The following PPP4R1 variants were observed in gnomAD, a reference collection of about 807,000 sequenced individuals.
PPP4R1 encodes serine/threonine-protein phosphatase 4 regulatory subunit 1.
PPP4R1 carries 42 observed loss-of-function variants against 111.2 expected under a neutral mutation model. That is an observed-to-expected ratio of 0.38 (90% CI 0.29 to 0.49). The LOEUF (loss-of-function observed/expected upper bound fraction) is 0.49, where lower values mean the gene tolerates loss of function less well. Among genes scored for constraint, PPP4R1 ranks in the 20% least tolerant of loss-of-function variants. PPP4R1 has a pLI of 0.97. For missense variants in PPP4R1, 1,012 were observed against 1,161.6 expected, an observed-to-expected ratio of 0.87 and a Z score of 1.87; for synonymous variants, 409 against 405.5, an observed-to-expected ratio of 1.01 and a Z score of -0.10.
In PPP4R1 at chr18:9,595,058, T is replaced by C. The variant is rs1296337067; in HGVS notation, c.148A>G (p.Arg50Gly). The C allele has an allele frequency of 2.5e-6, 4 of 1,613,868 alleles. No homozygotes were observed. The South Asian group carries it at 3.3e-5, about 13-fold the overall frequency. The change falls in exon 3 of 20, where the codon AGA (arginine) becomes GGA (glycine). Residue 50 changes from arginine to glycine, a missense_variant. Physicochemically the swap from Arg to Gly is moderately radical, Grantham distance 125. Transcript: ENST00000400556. ...TCACTTGCAGCATACTTGTCCAATC[T>C]CCCCAGGGGCGTCAACATTTCATCT... ...SQDEMLTPLG[R>G]LDKYAASENI...
chr18:9,613,758 G>A (rs924877909), intron 2 of PPP4R1: 1 of 152,666 alleles, frequency 6.6e-6, no homozygotes, highest in Non-Finnish European at 1.5e-5. Context: ...AGCCCAGACG[G>A]CTAGCCGGGG....
At chr18:9,567,400 C>T (rs2066786118) in intron 11 of PPP4R1, among the ~76,000 whole-genome samples, 1 of 152,152 alleles carries the variant, frequency 6.6e-6, no homozygotes, top group East Asian at 1.9e-4. Flanking sequence ...GTTGTCCAGG[C>T]TGGAGTATAG....
chr18:9,616,857 T>C (rs1294273987), upstream of PPP4R1, among the ~76,000 whole-genome samples: 1 of 152,200 alleles, frequency 6.6e-6, no homozygotes, highest in Non-Finnish European at 1.5e-5. Flanking sequence ...TCTGTATCAT[T>C]TTTCTGTATT....
At chr18:9,558,790 AG>A (rs1289431057) in intron 14 of PPP4R1, among the ~76,000 whole-genome samples, 1 of 152,074 alleles carries the variant, frequency 6.6e-6, no homozygotes, top group Non-Finnish European at 1.5e-5. Flanking sequence ...TACAGAAATC[AG>A]CCCTGGCAGG....
At chr18:9,576,349 C>T (rs996519440) in intron 10 of PPP4R1, among the ~76,000 whole-genome samples, 5 of 151,988 alleles carry the variant, frequency 3.3e-5, no homozygotes, top group African/African-American at 7.3e-5. Flanking sequence ...GTGTACATTT[C>T]CCGCATACTA....
chr18:9,585,392 AG>A (rs772094793), intron 6 of PPP4R1, among the ~76,000 whole-genome samples: 13 of 152,216 alleles, frequency 8.5e-5, no homozygotes, highest in Non-Finnish European at 1.8e-4. Context: ...GTTCTGATAT[AG>A]GCATGTTTCA....
intron 13 of PPP4R1, among the ~76,000 whole-genome samples, chr18:9,561,223 A>AATAATAATG (rs2066669938): frequency 1.1e-5 from 1 of 88,972 alleles, no homozygotes; most frequent in South Asian, 3.3e-4. Context: ...CATCTCTAAT[A>AATAATAATG]ATAATAATAA....
chr18:9,577,757 A>G (rs2066961129), intron 9 of PPP4R1, among the ~76,000 whole-genome samples: 1 of 152,234 alleles, frequency 6.6e-6, no homozygotes, highest in South Asian at 2.1e-4. Flanking sequence ...TAATCTAAGT[A>G]TGAGATACTA....
At position 9,550,358 on chromosome 18, in the gene PPP4R1, C is replaced by T; in HGVS notation, c.2332G>A (p.Val778Ile). The change falls in exon 17 of 20, where the codon GTT (valine) becomes ATT (isoleucine). Residue 778 changes from valine (V) to isoleucine (I), a missense_variant. By Grantham distance (29) the Val-to-Ile change is conservative (BLOSUM62 3). Coordinates refer to ENST00000400556, the MANE Select transcript of PPP4R1 (RefSeq NM_001042388.3). ...GCAATGGGACGTAAATAGTCATAAA[C>T]ATCTCTGGGACTATATAACTCTAGA... Reference protein sequence around the residue: ...LLLELYSPRDVYDYLRPIALN... With the variant: ...LLLELYSPRDIYDYLRPIALN... 1 of 1,606,542 alleles carries T rather than the reference C, an allele frequency of 6.2e-7. No individual in the cohort carries two copies. The highest frequency in any genetic ancestry group is 8.5e-7 in the Non-Finnish European group (1 of 1,173,144).
chr18:9,615,538 T>G (rs1005425526), upstream of PPP4R1, among the ~76,000 whole-genome samples: 3 of 152,206 alleles, frequency 2.0e-5, no homozygotes, highest in African/African-American at 7.2e-5. Context: ...TTTATTAGTC[T>G]TGTTGTTTTA....
In PPP4R1 at chr18:9,559,449, C is replaced by T. The variant is rs2066638741; in HGVS notation, c.1998G>A (p.Glu666=). The T allele has an allele frequency of 1.2e-6, 2 of 1,612,668 alleles. No homozygotes were observed. Among genetic ancestry groups the T allele is most frequent in the East Asian group, 4.5e-5 (2 of 44,870 alleles). The part of the protein sequence containing the change: ...LGRQNWHCLR[E]TYETLASDMQ... ...TGTCTGAGGCCAGAGTCTCATACGTCTCTCTCAGGCAGTGCCAATTCTGTC... is the reference window on the plus strand; with the variant it reads ...TGTCTGAGGCCAGAGTCTCATACGTTTCTCTCAGGCAGTGCCAATTCTGTC... Residue 666 remains glutamate, a synonymous_variant, in exon 14 of 20, where the codon GAG becomes GAA. Transcript: ENST00000400556.
chr18:9,609,514 A>G lies in PPP4R1; in HGVS notation c.52+4712T>C, dbSNP rs575396715. On this transcript the variant is annotated intron_variant, in intron 2 of 19. Transcript: ENST00000400556. ...CTGGACCCATCCTTCACTCTACTTC[A>G]ACACCGCCCTTAAACCCGAAAAACA... Among the ~76,000 whole-genome samples the G allele has an allele frequency of 2.6e-5, 4 of 152,320 alleles. No homozygotes were observed. In the East Asian group the frequency reaches 7.7e-4, roughly 29 times the overall value.
At chr18:9,570,101 T>G in intron 11 of PPP4R1, 56 bp downstream of exon 11, 4 of 1,466,258 alleles carry the variant, frequency 2.7e-6, no homozygotes, top group Non-Finnish European at 3.6e-6. Context: ...TTTTTTAAGA[T>G]AGACACTAAT....
chr18:9,592,335 G>A (rs931583346), intron 4 of PPP4R1, among the ~76,000 whole-genome samples: 1 of 152,132 alleles, frequency 6.6e-6, no homozygotes, highest in Non-Finnish European at 1.5e-5. Context: ...CCACCATCTT[G>A]AACTCCTTTC....
At chr18:9,610,076 A>G (rs2067551560) in intron 2 of PPP4R1, among the ~76,000 whole-genome samples, 1 of 152,224 alleles carries the variant, frequency 6.6e-6, no homozygotes, top group African/African-American at 2.4e-5. Context: ...ACTTTGATAA[A>G]AGCTTAAGTT....
At chr18:9,552,413 T>C (rs966622099) in intron 16 of PPP4R1, among the ~76,000 whole-genome samples, 1 of 152,228 alleles carries the variant, frequency 6.6e-6, no homozygotes, top group Non-Finnish European at 1.5e-5. Context: ...ACTGCCCTTA[T>C]CTGACCACTA....
intron 16 of PPP4R1, chr18:9,550,878 C>A (rs2066478350): frequency 1.9e-5 from 3 of 154,606 alleles, no homozygotes; most frequent in African/African-American, 7.2e-5. Flanking sequence ...CTCCAGCAAC[C>A]TTCCCATCAC....
intron 10 of PPP4R1, among the ~76,000 whole-genome samples, chr18:9,576,816 G>A (rs1470881054): frequency 6.6e-6 from 1 of 152,106 alleles, no homozygotes; most frequent in African/African-American, 2.4e-5. Context: ...AGTTTCCTAT[G>A]TGCGAGGCAT....
chr18:9,600,058 T>G (rs963959817), intron 2 of PPP4R1, among the ~76,000 whole-genome samples: 15 of 152,128 alleles, frequency 9.9e-5, no homozygotes, highest in Admixed American at 3.3e-4. Flanking sequence ...TTAAGAAGCC[T>G]ACTCCTAGAA....
Sources: gnomAD v4.1 joint callset for allele counts (sites outside exome capture counted in the v4.1 genomes callset) on GRCh38, gnomAD v4.1.1 for gene constraint, MANE v1.5 for transcripts, NCBI Gene and HGNC (gene_info 2026-07-23, HGNC 2026-07-21) for gene names.